ANKH: variants seen among roughly 807,000 people sequenced by gnomAD.
ANKH encodes ANKH inorganic pyrophosphate transport regulator, also known as mineralization regulator ANKH.
In ANKH, 15 loss-of-function variants were observed where a neutral mutation model predicts 49.0. The ratio of observed to expected loss-of-function variants is 0.31; its 90% confidence interval spans 0.20 to 0.47. The LOEUF (loss-of-function observed/expected upper bound fraction) is 0.47, where lower values mean the gene tolerates loss of function less well. Ranked by LOEUF, ANKH falls within the 20% of genes least tolerant of loss-of-function variation. The pLI is 1.00. For missense variants in ANKH, 429 were observed against 652.0 expected, an observed-to-expected ratio of 0.66 and a Z score of 3.72; for synonymous variants, 273 against 260.0, an observed-to-expected ratio of 1.05 and a Z score of -0.48.
intron 11 of ANKH, 21 bp downstream of exon 11, chr5:14,712,853 C>CT (rs1197099654): frequency 2.5e-6 from 4 of 1,582,924 alleles, no homozygotes; most frequent in Non-Finnish European, 3.4e-6. Context: ...CGGGAGGAGG[C>CT]TCCCGGCGCG....
At position 14,757,080 on chromosome 5, in the gene ANKH, C is replaced by A. The variant is rs190859162; in HGVS notation, c.433-1136G>T. 1.8e-3 allele frequency among the ~76,000 whole-genome samples: 272 copies of A among 152,244 alleles called. 3 individuals carry two copies. The highest frequency in any genetic ancestry group is 8.7e-3 in the South Asian group (42 of 4,814). ...AATTCACCGTATAACTGTAATTCTT[C>A]TATGTGTGTAGATTCCCACTTCAAC... is the stretch of plus-strand genomic sequence containing the variant. On this transcript the variant is annotated intron_variant, in intron 3 of 11. Coordinates refer to ENST00000284268, the MANE Select transcript of ANKH (RefSeq NM_054027.6).
chr5:14,867,096 G>C (rs1181288823), intron 1 of ANKH, among the ~76,000 whole-genome samples: 3 of 144,706 alleles, frequency 2.1e-5, no homozygotes, highest in African/African-American at 7.8e-5. Context: ...AATGGTGGCT[G>C]CATTGAGCCA....
chr5:14,768,888 A>G, intron 2 of ANKH, 87 bp downstream of exon 2: 1 of 1,408,396 alleles, frequency 7.1e-7, no homozygotes, highest in South Asian at 1.2e-5. Flanking sequence ...TGAAGAAACC[A>G]CTTATCTCAA....
chr5:14,749,443 G>A (rs1365974512), intron 5 of ANKH, 137 bp from the exon 6 acceptor site: 18 of 952,380 alleles, frequency 1.9e-5, no homozygotes, highest in Admixed American at 6.2e-5. Context: ...AAGGAAAAGT[G>A]TCTGTAGACA....
intron 1 of ANKH, among the ~76,000 whole-genome samples, chr5:14,809,448 C>T (rs1363416502): frequency 1.3e-5 from 2 of 150,770 alleles, no homozygotes; most frequent in African/African-American, 4.9e-5. Flanking sequence ...ATCCCAGCTA[C>T]TTGAAAGTCT....
intron 8 of ANKH, among the ~76,000 whole-genome samples, chr5:14,727,225 C>T (rs978524662): frequency 6.6e-6 from 1 of 152,072 alleles, no homozygotes; most frequent in Admixed American, 6.6e-5. Context: ...AATTTGATAC[C>T]TTCCATCTGG....
chr5:14,760,220 C>T (rs556191100), intron 2 of ANKH, among the ~76,000 whole-genome samples: 123 of 152,176 alleles, frequency 8.1e-4, no homozygotes, highest in African/African-American at 2.6e-3. Flanking sequence ...GGGCATGTCA[C>T]GTGGCAGAAA....
intron 2 of ANKH, among the ~76,000 whole-genome samples, chr5:14,765,949 T>G (rs1426884654): frequency 6.6e-6 from 1 of 152,204 alleles, no homozygotes; most frequent in Admixed American, 6.5e-5. Context: ...AAGTATGAAG[T>G]GTCAAAGTTC....
chr5:14,838,007 A>G (rs1021659381), intron 1 of ANKH, among the ~76,000 whole-genome samples: 4 of 152,212 alleles, frequency 2.6e-5, no homozygotes, highest in African/African-American at 4.8e-5. Flanking sequence ...GCAAACTATC[A>G]TAATGATAGA....
intron 2 of ANKH, among the ~76,000 whole-genome samples, chr5:14,761,217 T>C (rs1165707290): frequency 6.6e-6 from 1 of 152,154 alleles, no homozygotes; most frequent in Non-Finnish European, 1.5e-5. Flanking sequence ...CTGCAACACC[T>C]TGACCTCGGA....
intron 1 of ANKH, among the ~76,000 whole-genome samples, chr5:14,818,617 C>T (rs1414967526): frequency 7.4e-6 from 1 of 134,544 alleles, no homozygotes; most frequent in Non-Finnish European, 1.5e-5. Context: ...GCACTCCAGC[C>T]TGGGTGACAA....
At chr5:14,816,160 A>G (rs1387900538) in intron 1 of ANKH, among the ~76,000 whole-genome samples, 1 of 152,192 alleles carries the variant, frequency 6.6e-6, no homozygotes, top group Non-Finnish European at 1.5e-5. Flanking sequence ...TCCAAACCCA[A>G]AAACATTTTT....
At position 14,758,548 on chromosome 5, in the gene ANKH, C is replaced by T. The variant is rs1306733857; in HGVS notation, c.364G>A (p.Glu122Lys). ...YIINKLHHVD[E>K]SVGSKTRRAF... is the part of the protein sequence containing the mutation. ...CTTCTCGTCTTGCTCCCCACCGACTCGTCCACATGGTGCAGTTTATTGATA... is the reference window on the plus strand; with the variant it reads ...CTTCTCGTCTTGCTCCCCACCGACTTGTCCACATGGTGCAGTTTATTGATA... Residue 122 changes from glutamate to lysine, a missense_variant, in exon 3 of 12, where the codon GAG (glutamate) becomes AAG (lysine). This residue lies in a region of ANKH where 378 missense variants were observed against 615.3 expected (regional missense o/e 0.61). Transcript: ENST00000284268. 15 of 1,614,190 alleles carry T rather than the reference C, an allele frequency of 9.3e-6. No individual in the cohort carries two copies. The highest frequency in any genetic ancestry group is 6.7e-5 in the Admixed American group (4 of 60,026).
intron 2 of ANKH, among the ~76,000 whole-genome samples, chr5:14,761,247 T>C (rs1033397368): frequency 3.9e-5 from 6 of 152,200 alleles, no homozygotes; most frequent in African/African-American, 1.4e-4. Flanking sequence ...TCCATAACTG[T>C]GAAATGCTCA....
chr5:14,793,261 G>A (rs981869823), intron 1 of ANKH, among the ~76,000 whole-genome samples: 1 of 151,298 alleles, frequency 6.6e-6, no homozygotes, highest in Admixed American at 6.6e-5. Flanking sequence ...ACATCTAAGG[G>A]TTCTGGGGCT....
intron 1 of ANKH, among the ~76,000 whole-genome samples, chr5:14,860,661 A>T (rs1735455469): frequency 6.6e-6 from 1 of 152,216 alleles, no homozygotes; most frequent in Non-Finnish European, 1.5e-5. Flanking sequence ...ACAGTTTTGG[A>T]AACACAAAGC....
chr5:14,794,900 GTTGGTGCT>G (rs1485718370), intron 1 of ANKH, among the ~76,000 whole-genome samples: 1 of 152,252 alleles, frequency 6.6e-6, no homozygotes, highest in Non-Finnish European at 1.5e-5. Context: ...ACGGAATTCC[GTTGGTGCT>G]TTGGAAGGCA....
intron 1 of ANKH, among the ~76,000 whole-genome samples, chr5:14,780,776 T>C (rs1561052245): frequency 1.3e-5 from 2 of 152,228 alleles, no homozygotes; most frequent in African/African-American, 2.4e-5. Flanking sequence ...AATTATTTTG[T>C]CTCGTTCAGA....
At chr5:14,742,088 G>T (rs1270740757) in intron 7 of ANKH, among the ~76,000 whole-genome samples, 166 bp from the exon 8 acceptor site, 1 of 152,198 alleles carries the variant, frequency 6.6e-6, no homozygotes, top group East Asian at 1.9e-4. Flanking sequence ...CTCTCGGGCA[G>T]CTGTCAGGTC....
Sources: gnomAD v4.1 joint callset for allele counts (sites outside exome capture counted in the v4.1 genomes callset) on GRCh38, gnomAD v4.1.1 for gene constraint, gnomAD v4.1.1 regional missense constraint, MANE v1.5 for transcripts, NCBI Gene and HGNC (gene_info 2026-07-23, HGNC 2026-07-21) for gene names.